The following TAFA1 variants were observed in gnomAD, a reference collection of about 807,000 sequenced individuals.
TAFA1 encodes TAFA chemokine like family member 1.
Under a neutral mutation model 18.5 loss-of-function variants are expected in TAFA1, and 4 were observed. The observed-to-expected ratio is 0.22, with a 90% CI of 0.11 to 0.49. The LOEUF is 0.49. Ranked by LOEUF, TAFA1 falls within the 20% of genes least tolerant of loss-of-function variation. The pLI is 0.98. For synonymous variants in TAFA1, 56 were observed against 55.2 expected (o/e 1.01, Z -0.06); for missense variants, 147 against 169.0 (o/e 0.87, Z 0.72).
chr3:68,236,842 C>A (rs34811355), intron 2 of TAFA1, among the ~76,000 whole-genome samples: 29,164 of 152,154 alleles, frequency 0.19, 3,516 homozygotes, highest in Middle Eastern at 0.28. Flanking sequence ...AGCACCTTCT[C>A]ATGAGATCAT....
Position 68,056,181 on chromosome 3 carries a change from C to A in TAFA1, c.118+49437C>A, listed in dbSNP as rs1180036567. Among the ~76,000 whole-genome samples the A allele has an allele frequency of 2.0e-5, 3 of 152,290 alleles. No homozygotes were observed. The East Asian group carries it at 5.8e-4, about 29-fold the overall frequency. ...AGTCTCAGCAGTTATGATTTCATAG[C>A]ACACCATTCCACTCGTGACTAGCAA... is the stretch of plus-strand genomic sequence containing the variant. On this transcript the variant is annotated intron_variant, in intron 2 of 4. Coordinates refer to ENST00000478136, the MANE Select transcript of TAFA1 (RefSeq NM_213609.4).
At chr3:68,200,358 A>G (rs2066456865) in intron 2 of TAFA1, among the ~76,000 whole-genome samples, 1 of 151,552 alleles carries the variant, frequency 6.6e-6, no homozygotes, top group Non-Finnish European at 1.5e-5. Context: ...AAATGAGTTA[A>G]GAAGTATTTC....
rs80250706 is a variant in TAFA1, at chr3:68,098,607, C to A, written c.118+91863C>A. On this transcript the variant is annotated intron_variant, in intron 2 of 4. Coordinates refer to ENST00000478136, the MANE Select transcript of TAFA1 (RefSeq NM_213609.4). The stretch of plus-strand genomic sequence containing the variant: ...GAGGAGCAAAAGATAGGGTGGTGGG[C>A]AGAGACGGACTTATGCAAATTATTC... 5.6e-3 allele frequency among the ~76,000 whole-genome samples: 850 copies of A among 152,048 alleles called. 27 individuals are homozygous for A. The East Asian group carries it at 0.073, about 13-fold the overall frequency.
intron 2 of TAFA1, among the ~76,000 whole-genome samples, chr3:68,293,723 C>A (rs570313869): frequency 1.4e-4 from 21 of 152,236 alleles, no homozygotes; most frequent in African/African-American, 5.1e-4. Flanking sequence ...TTAGGTTTTT[C>A]AGCAGAAACA....
At chr3:68,532,127 T>C (rs572801786) in intron 3 of TAFA1, among the ~76,000 whole-genome samples, 118 of 152,286 alleles carry the variant, frequency 7.7e-4, no homozygotes, top group African/African-American at 2.8e-3. Context: ...TTTATTAACA[T>C]GTACATAGAC....
intron 2 of TAFA1, among the ~76,000 whole-genome samples, chr3:68,152,548 G>A (rs2065818865): frequency 6.6e-6 from 1 of 152,082 alleles, no homozygotes; most frequent in African/African-American, 2.4e-5. Flanking sequence ...CCCATGATAT[G>A]AAGACTTGAT....
At chr3:68,332,055 G>C (rs2068885996) in intron 2 of TAFA1, among the ~76,000 whole-genome samples, 1 of 151,368 alleles carries the variant, frequency 6.6e-6, no homozygotes, top group African/African-American at 2.4e-5. Context: ...AGTAGAGATG[G>C]GGTTTCACCG....
chr3:68,352,102 G>A (rs930791259), intron 2 of TAFA1, among the ~76,000 whole-genome samples: 3 of 151,964 alleles, frequency 2.0e-5, no homozygotes, highest in African/African-American at 7.2e-5. Flanking sequence ...GGGTCTGAAG[G>A]AGGTGGGAGA....
At chr3:68,337,525 C>G (rs985427608) in intron 2 of TAFA1, among the ~76,000 whole-genome samples, 2 of 152,166 alleles carry the variant, frequency 1.3e-5, no homozygotes, top group African/African-American at 4.8e-5. Flanking sequence ...GTATACAAAA[C>G]TGCACATAAT....
At chr3:68,133,236 T>A (rs2065565083) in intron 2 of TAFA1, among the ~76,000 whole-genome samples, 2 of 152,234 alleles carry the variant, frequency 1.3e-5, no homozygotes, top group South Asian at 4.1e-4. Context: ...ATATCTCTTT[T>A]GGTACCGGTA....
At chr3:67,998,592 A>C in the TAFA1 span, among the ~76,000 whole-genome samples, 1 of 152,236 alleles carries the variant, frequency 6.6e-6, no homozygotes, top group Non-Finnish European at 1.5e-5. Flanking sequence ...GCTAGGAATA[A>C]ATAATCCTTG....
chr3:68,443,865 C>T (rs1465113242), intron 3 of TAFA1, among the ~76,000 whole-genome samples: 2 of 152,172 alleles, frequency 1.3e-5, no homozygotes, highest in African/African-American at 4.8e-5. Context: ...ATCTATCCCT[C>T]ACCGCATCCC....
chr3:68,076,579 T>C (rs1237055088), intron 2 of TAFA1, among the ~76,000 whole-genome samples: 2 of 152,108 alleles, frequency 1.3e-5, no homozygotes, highest in East Asian at 3.9e-4. Flanking sequence ...GTTCTTGTGA[T>C]AGTTTACTGA....
At position 68,374,788 on chromosome 3, in the gene TAFA1, A is replaced by T. The variant is rs147103944; in HGVS notation, c.119-42492A>T. 3.9e-5 allele frequency among the ~76,000 whole-genome samples: 6 copies of T among 152,276 alleles called. No homozygotes were observed. In the East Asian group the frequency reaches 9.6e-4, roughly 24 times the overall value. On this transcript the variant is annotated intron_variant, in intron 2 of 4. Transcript: ENST00000478136. ...ACTTTTTATGCTTTCTTGTGAGATG[A>T]ATGTCTCCATCCCTGCTAAGAACTC...
At chr3:68,488,031 G>A (rs2072379847) in intron 3 of TAFA1, among the ~76,000 whole-genome samples, 1 of 152,142 alleles carries the variant, frequency 6.6e-6, no homozygotes, top group Admixed American at 6.5e-5. Context: ...AGTAGAGACA[G>A]ATAAAACCAT....
intron 2 of TAFA1, among the ~76,000 whole-genome samples, chr3:68,036,553 A>C (rs891409976): frequency 1.3e-4 from 20 of 152,264 alleles, no homozygotes; most frequent in Non-Finnish European, 2.5e-4. Flanking sequence ...GTTTTGCCTA[A>C]AGTCGTAGAG....
At chr3:68,020,064 T>G (rs989812928) in intron 2 of TAFA1, among the ~76,000 whole-genome samples, 44 of 152,358 alleles carry the variant, frequency 2.9e-4, no homozygotes, top group African/African-American at 9.6e-4. Context: ...TGTCACATAC[T>G]GGGCTAAGTG....
At chr3:68,505,931 C>T (rs2072742962) in intron 3 of TAFA1, among the ~76,000 whole-genome samples, 1 of 151,024 alleles carries the variant, frequency 6.6e-6, no homozygotes, top group African/African-American at 2.4e-5. Context: ...GATACTTGTA[C>T]AGGACATGCA....
At chr3:68,220,546 C>T (rs1486744053) in intron 2 of TAFA1, among the ~76,000 whole-genome samples, 4 of 152,030 alleles carry the variant, frequency 2.6e-5, no homozygotes, top group African/African-American at 7.2e-5. Flanking sequence ...ATGTCCATTC[C>T]GATTTACAGC....
Sources: gnomAD v4.1 joint callset for allele counts (sites outside exome capture counted in the v4.1 genomes callset) on GRCh38, gnomAD v4.1.1 for gene constraint, MANE v1.5 for transcripts, NCBI Gene and HGNC (gene_info 2026-07-23, HGNC 2026-07-21) for gene names.